Variants in GRIK2 observed in about 807,000 individuals in gnomAD.
GRIK2 encodes glutamate ionotropic receptor kainate type subunit 2.
Under a neutral mutation model 100.3 loss-of-function variants are expected in GRIK2, and 32 were observed. The observed-to-expected ratio is 0.32, with a 90% CI of 0.24 to 0.43. The LOEUF (loss-of-function observed/expected upper bound fraction) is 0.43. Among genes scored for constraint, GRIK2 ranks in the 20% least tolerant of loss-of-function variants. The pLI is 1.00. For synonymous variants in GRIK2, 417 were observed against 389.4 expected (o/e 1.07, Z -0.83); for missense variants, 843 against 1,114.9 (o/e 0.76, Z 3.47).
Position 101,858,658 on chromosome 6 carries a change from G to A in GRIK2, c.1318-629G>A, listed in dbSNP as rs922760625. 1.2e-4 allele frequency among the ~76,000 whole-genome samples: 18 copies of A among 151,800 alleles called. 2 individuals carry two copies. The South Asian group carries it at 2.7e-3, about 23-fold the overall frequency. On this transcript the variant is annotated intron_variant, in intron 10 of 16. Transcript: ENST00000369134. Reference sequence around the variant, plus strand: ...CCCGCCTTGGCCTCCCAAAGTGCTGGGATTACAGGTGCAAGCCATGGTGCC... The same window carrying A: ...CCCGCCTTGGCCTCCCAAAGTGCTGAGATTACAGGTGCAAGCCATGGTGCC...
intron 2 of GRIK2, among the ~76,000 whole-genome samples, chr6:101,477,436 GT>G (rs1772300607): frequency 1.3e-5 from 2 of 152,268 alleles, no homozygotes; most frequent in Middle Eastern, 3.4e-3. Flanking sequence ...GTCAAATTAT[GT>G]TTCTTATCCA....
chr6:101,763,171 C>G (rs769429050), intron 7 of GRIK2, among the ~76,000 whole-genome samples: 4 of 152,166 alleles, frequency 2.6e-5, no homozygotes, highest in Non-Finnish European at 4.4e-5. Context: ...AGGGTCTTGG[C>G]AGAAAATCAA....
intron 8 of GRIK2, among the ~76,000 whole-genome samples, chr6:101,800,044 G>T (rs1186106663): frequency 6.6e-6 from 1 of 151,970 alleles, no homozygotes; most frequent in Non-Finnish European, 1.5e-5. Context: ...TTTCCTTTAT[G>T]TAGAGATATA....
intron 4 of GRIK2, among the ~76,000 whole-genome samples, chr6:101,676,407 C>T (rs916661929): frequency 6.6e-6 from 1 of 152,024 alleles, no homozygotes; most frequent in South Asian, 2.1e-4. Flanking sequence ...TTTCAAGTTG[C>T]ACCATTAAAT....
intron 2 of GRIK2, among the ~76,000 whole-genome samples, chr6:101,408,129 T>G (rs1197780608): frequency 6.6e-6 from 1 of 152,084 alleles, no homozygotes; most frequent in Non-Finnish European, 1.5e-5. Context: ...GGAAAGCAAT[T>G]GAAAATAGAG....
intron 2 of GRIK2, among the ~76,000 whole-genome samples, chr6:101,549,618 A>T (rs2518289): frequency 6.6e-6 from 1 of 151,978 alleles, no homozygotes; most frequent in Non-Finnish European, 1.5e-5. Flanking sequence ...TTTTTAGAGA[A>T]CCACTTTATG....
intron 2 of GRIK2, among the ~76,000 whole-genome samples, chr6:101,446,318 T>C (rs1770373434): frequency 6.6e-6 from 1 of 151,960 alleles, no homozygotes; most frequent in African/African-American, 2.4e-5. Flanking sequence ...TTATGGGTTA[T>C]TCACAGGACT....
Position 101,676,610 on chromosome 6 carries a change from A to AT in GRIK2, c.542-9dup. 7.1e-7 allele frequency: 1 copy of AT among 1,416,658 alleles called. No homozygotes were observed. Among genetic ancestry groups the AT allele is most frequent in the Non-Finnish European group, 9.4e-7 (1 of 1,059,984 alleles). The allele number at this position is 1,416,658 out of a possible 1,614,324, so 87.8% of individuals were successfully genotyped here. A position where few individuals can be genotyped will look rare whatever the true frequency, so the allele number is the denominator to read the frequency against. Reference sequence around the variant, plus strand: ...CTCTAATATTCTTTTTTTTTTTTCCATTTTAATTAAAGGTCTCATTCGTTT... The same window carrying AT: ...CTCTAATATTCTTTTTTTTTTTTCCATTTTTAATTAAAGGTCTCATTCGTTT... On this transcript the variant is annotated splice_polypyrimidine_tract_variant and intron_variant, in intron 4 of 16. Transcript: ENST00000369134.
chr6:101,428,222 A>G (rs569315061), intron 2 of GRIK2, among the ~76,000 whole-genome samples: 3 of 152,350 alleles, frequency 2.0e-5, no homozygotes, highest in African/African-American at 7.2e-5. Context: ...CTTGAGCTTG[A>G]CAATTACCTT....
chr6:101,950,462 G>A (rs1044771343), intron 14 of GRIK2, among the ~76,000 whole-genome samples: 1 of 152,104 alleles, frequency 6.6e-6, no homozygotes, highest in Non-Finnish European at 1.5e-5. Context: ...TTGTTGTTTT[G>A]TGTTTTAACA....
At chr6:101,765,884 T>C (rs539211164) in intron 7 of GRIK2, among the ~76,000 whole-genome samples, 1 of 152,168 alleles carries the variant, frequency 6.6e-6, no homozygotes, top group African/African-American at 2.4e-5. Flanking sequence ...TACATCTACT[T>C]AAACTTAATT....
At chr6:101,490,803 A>G (rs1438473095) in intron 2 of GRIK2, among the ~76,000 whole-genome samples, 1 of 146,686 alleles carries the variant, frequency 6.8e-6, no homozygotes, top group Non-Finnish European at 1.5e-5. Context: ...AATGACAACA[A>G]CAAAACAAAA....
At chr6:102,050,352 A>C (rs540468219) in intron 15 of GRIK2, among the ~76,000 whole-genome samples, 13 of 151,902 alleles carry the variant, frequency 8.6e-5, no homozygotes, top group African/African-American at 2.7e-4. Flanking sequence ...AGGAAGGGGA[A>C]GGGAACAAAA....
At chr6:101,452,910 C>A (rs1278702622) in intron 2 of GRIK2, among the ~76,000 whole-genome samples, 1 of 151,712 alleles carries the variant, frequency 6.6e-6, no homozygotes, top group African/African-American at 2.4e-5. Context: ...AAATTCAAAC[C>A]ATGTGATTAA....
At chr6:101,541,835 T>A (rs1776013771) in intron 2 of GRIK2, among the ~76,000 whole-genome samples, 1 of 152,056 alleles carries the variant, frequency 6.6e-6, no homozygotes, top group Non-Finnish European at 1.5e-5. Flanking sequence ...TCTTATTCCC[T>A]CTTTCCTTTT....
chr6:101,568,152 TAA>T (rs1777370099), intron 2 of GRIK2, among the ~76,000 whole-genome samples: 1 of 151,984 alleles, frequency 6.6e-6, no homozygotes, highest in Non-Finnish European at 1.5e-5. Flanking sequence ...ATACTAAACA[TAA>T]GTGTTAATCT....
intron 15 of GRIK2, among the ~76,000 whole-genome samples, chr6:102,042,423 T>TAGAG (rs1403548487): frequency 1.3e-5 from 2 of 151,410 alleles, no homozygotes; most frequent in Non-Finnish European, 3.0e-5. Context: ...TGACATAAAA[T>TAGAG]AGAGAAAAAT....
chr6:101,463,018 G>A (rs1771416526), intron 2 of GRIK2, among the ~76,000 whole-genome samples: 1 of 152,096 alleles, frequency 6.6e-6, no homozygotes, highest in Non-Finnish European at 1.5e-5. Flanking sequence ...TTTTATTGAT[G>A]CATTAAAACA....
chr6:101,629,723 A>C (rs141212824), intron 4 of GRIK2, among the ~76,000 whole-genome samples: 347 of 152,192 alleles, frequency 2.3e-3, no homozygotes, highest in Middle Eastern at 0.01. Context: ...ATTTTTTTCA[A>C]CTTTCATTTT....
Sources: allele counts gnomAD v4.1 joint callset (sites outside exome capture counted in the v4.1 genomes callset), GRCh38; gene constraint gnomAD v4.1.1; transcripts MANE v1.5; gene names NCBI Gene and HGNC (gene_info 2026-07-23, HGNC 2026-07-21).